SH3YL1: variants seen among roughly 807,000 people sequenced by gnomAD.
The protein encoded by SH3YL1 is SH3 and SYLF domain containing 1, also known as SH3 domain-containing YSC84-like protein 1.
Under a neutral mutation model 45.8 loss-of-function variants are expected in SH3YL1, and 41 were observed. The observed-to-expected ratio is 0.89, with a 90% CI of 0.70 to 1.16. The LOEUF (loss-of-function observed/expected upper bound fraction) is 1.16. Ranked by LOEUF, SH3YL1 falls within the 50% of genes most tolerant of loss-of-function variation. The pLI, the probability that SH3YL1 is intolerant of heterozygous loss-of-function variation, is 0.00. For missense variants in SH3YL1, 389 were observed against 409.6 expected (o/e 0.95, Z 0.43); for synonymous variants, 152 against 151.4 (o/e 1.00, Z -0.03).
chr2:251,715 G>A (rs1572175047), intron 2 of SH3YL1, among the ~76,000 whole-genome samples: 1 of 152,178 alleles, frequency 6.6e-6, no homozygotes, highest in East Asian at 1.9e-4. Context: ...ATGCCAAGCT[G>A]CAGATTCAGA....
intron 8 of SH3YL1, among the ~76,000 whole-genome samples, chr2:227,006 A>C (rs1256300740): frequency 6.6e-6 from 1 of 152,106 alleles, no homozygotes; most frequent in African/African-American, 2.4e-5. Context: ...GGTAGCATAC[A>C]TGATGGAGAA....
chr2:221,451 C>T (rs141126628), intron 9 of SH3YL1, among the ~76,000 whole-genome samples: 67 of 152,096 alleles, frequency 4.4e-4, no homozygotes, highest in African/African-American at 1.3e-3. Flanking sequence ...AGAAAGAAGG[C>T]GAGATCACAC....
At chr2:220,903 A>T (rs1667541017) in intron 9 of SH3YL1, among the ~76,000 whole-genome samples, 1 of 152,252 alleles carries the variant, frequency 6.6e-6, no homozygotes, top group Non-Finnish European at 1.5e-5. Flanking sequence ...TGGGAGCCAC[A>T]GCCATCTTAG....
At chr2:246,506 T>C (rs982114909) in intron 4 of SH3YL1, among the ~76,000 whole-genome samples, 2 of 151,962 alleles carry the variant, frequency 1.3e-5, no homozygotes, top group Non-Finnish European at 2.9e-5. Context: ...GAAGAACAGG[T>C]TGTGACTTAG....
At chr2:226,059 G>A (rs1223596469) in intron 8 of SH3YL1, among the ~76,000 whole-genome samples, 1 of 152,104 alleles carries the variant, frequency 6.6e-6, no homozygotes, top group African/African-American at 2.4e-5. Context: ...CTCAAATTAT[G>A]TGAAGACTAA....
At chr2:245,865 C>T (rs1312895429) in intron 4 of SH3YL1, among the ~76,000 whole-genome samples, 1 of 151,614 alleles carries the variant, frequency 6.6e-6, no homozygotes, top group African/African-American at 2.4e-5. Context: ...ATCATCACAA[C>T]TAAAAAAAAA....
rs551015272 is a variant in SH3YL1, at chr2:220,023, A to G, written c.839-1022T>C. 5.3e-5 allele frequency among the ~76,000 whole-genome samples: 8 copies of G among 152,064 alleles called. No individual in the cohort carries two copies. The South Asian group carries it at 1.7e-3, about 32-fold the overall frequency. On this transcript the variant is annotated intron_variant, in intron 9 of 9. Transcript: ENST00000356150. The stretch of plus-strand genomic sequence containing the variant: ...CATTAAATATTATAAACCACATAAC[A>G]TCATAAAAATATAATTAAACAGTTT...
At chr2:236,257 G>GA (rs1668298763) in intron 4 of SH3YL1, among the ~76,000 whole-genome samples, 1 of 151,700 alleles carries the variant, frequency 6.6e-6, no homozygotes, top group African/African-American at 2.4e-5. Flanking sequence ...TGGGCCAGGG[G>GA]AGGCAGCATG....
At chr2:229,898 T>A in intron 8 of SH3YL1, 68 bp downstream of exon 8, 1 of 1,276,314 alleles carries the variant, frequency 7.8e-7, no homozygotes, top group Non-Finnish European at 1.1e-6. Flanking sequence ...TGTATCTTGA[T>A]TTCTTAATGA....
At chr2:254,258 G>A (rs1035073291) in intron 1 of SH3YL1, among the ~76,000 whole-genome samples, 1 of 152,138 alleles carries the variant, frequency 6.6e-6, no homozygotes, top group Non-Finnish European at 1.5e-5. Context: ...GGCACTTTAC[G>A]TTTACAGTGT....
intron 4 of SH3YL1, among the ~76,000 whole-genome samples, chr2:235,983 T>G (rs867382677): frequency 7.2e-5 from 1 of 13,908 alleles, no homozygotes; most frequent in Non-Finnish European, 1.3e-4. Context: ...GCAGCATGGG[T>G]CAGGGGAGGC....
Position 249,827 on chromosome 2 carries a change from C to G in SH3YL1, c.130G>C (p.Ala44Pro). The G allele has an allele frequency of 6.4e-7, 1 of 1,551,830 alleles. No homozygotes were observed. The highest frequency in any genetic ancestry group is 8.7e-7 in the Non-Finnish European group (1 of 1,146,814). ...KIIPAHVIAK[A>P]KGLAILSVIK... ...ACAGACAGAATTGCAAGGCCTTTAG[C>G]CTTCGCAATTACGTGAGCTGTTAAC... The change falls in exon 3 of 10, where the codon GCT becomes CCT. Residue 44 changes from alanine (A) to proline (P), a missense_variant. Transcript: ENST00000356150.
chr2:219,901 T>C (rs1176130123), intron 9 of SH3YL1, among the ~76,000 whole-genome samples: 1 of 152,156 alleles, frequency 6.6e-6, no homozygotes, highest in Non-Finnish European at 1.5e-5. Flanking sequence ...GGAGCATTTC[T>C]ACATGTTTCA....
At chr2:243,929 G>A (rs55753056) in intron 4 of SH3YL1, among the ~76,000 whole-genome samples, 47,865 of 151,996 alleles carry the variant, frequency 0.31, 7,686 homozygotes, top group Non-Finnish European at 0.35. Context: ...TACCACCCAA[G>A]CACCTGTGAA....
At chr2:238,233 T>G (rs990961182) in intron 4 of SH3YL1, among the ~76,000 whole-genome samples, 2 of 151,452 alleles carry the variant, frequency 1.3e-5, no homozygotes, top group African/African-American at 4.9e-5. Flanking sequence ...CCTCACTACA[T>G]GGGGAATAAA....
At chr2:242,979 C>A in intron 4 of SH3YL1, 1 of 650,300 alleles carries the variant, frequency 1.5e-6, no homozygotes. Context: ...CATAGTAATA[C>A]ACATATATTT....
intron 4 of SH3YL1, chr2:242,760 T>C (rs980482616): frequency 3.3e-6 from 5 of 1,504,496 alleles, no homozygotes; most frequent in Non-Finnish European, 4.4e-6. Context: ...CATCCAATTA[T>C]ATGCTCCATA....
At chr2:248,665 C>G (rs1349279035) in intron 3 of SH3YL1, among the ~76,000 whole-genome samples, 1 of 152,108 alleles carries the variant, frequency 6.6e-6, no homozygotes, top group East Asian at 1.9e-4. Flanking sequence ...AGCAAGTCAC[C>G]CCATCAATGG....
At chr2:252,128 A>G (rs560518039) in intron 2 of SH3YL1, among the ~76,000 whole-genome samples, 18 of 152,312 alleles carry the variant, frequency 1.2e-4, no homozygotes, top group Middle Eastern at 6.8e-3. Flanking sequence ...TGTTTAAAAC[A>G]TGCATTCCTG....
Sources: allele counts gnomAD v4.1 joint callset (sites outside exome capture counted in the v4.1 genomes callset), GRCh38; gene constraint gnomAD v4.1.1; transcripts MANE v1.5; gene names NCBI Gene and HGNC (gene_info 2026-07-23, HGNC 2026-07-21).